The following PURA variants were observed in gnomAD, a reference collection of about 807,000 sequenced individuals.
PURA encodes purine rich element binding protein A.
PURA carries 2 observed loss-of-function variants against 23.1 expected under a neutral mutation model. That is an observed-to-expected ratio of 0.09 (90% confidence interval 0.04 to 0.27). The LOEUF is 0.27. Among genes scored for constraint, PURA ranks in the 10% least tolerant of loss-of-function variants. The pLI, the probability that PURA is intolerant of heterozygous loss-of-function variation, is 1.00. For missense variants in PURA, 187 were observed against 449.7 expected (o/e 0.42, Z 5.28); for synonymous variants, 254 against 205.9 (o/e 1.23, Z -2.00).
At position 140,115,030 on chromosome 5, in the gene PURA, G is replaced by C. The variant is rs181348692; in HGVS notation, c.849G>C (p.Glu283Asp). ...KYSEEMKKIQ[E>D]KQREKRAACE... is the part of the protein sequence containing the mutation. ...CGGAGGAGATGAAGAAGATTCAAGAGAAGCAGAGGGAGAAGCGGGCTGCCT... is the reference window on the plus strand; with the variant it reads ...CGGAGGAGATGAAGAAGATTCAAGACAAGCAGAGGGAGAAGCGGGCTGCCT... Residue 283 changes from glutamate (E) to aspartate (D), a missense_variant, in exon 1 of 1, where the codon GAG becomes GAC. Physicochemically the swap from Glu to Asp is conservative, Grantham distance 45. This residue lies in a region of PURA where 65 missense variants were observed against 158.6 expected (regional missense o/e 0.41). Transcript: ENST00000331327. The surrounding 1 kb of genome is among the most constrained non-coding windows in gnomAD (Gnocchi z 4.1). 7 of 1,614,154 alleles carry C rather than the reference G, an allele frequency of 4.3e-6. No homozygotes were observed. The East Asian group carries it at 1.1e-4, about 26-fold the overall frequency.
rs1763060795 is a variant in PURA, at chr5:140,115,182, C to A, written c.*32C>A. 1 of 1,174,864 alleles carries A rather than the reference C, an allele frequency of 8.5e-7. No individual in the cohort carries two copies. Among genetic ancestry groups the A allele is most frequent in the Non-Finnish European group, 1.2e-6 (1 of 838,982 alleles). 72.8% of individuals were successfully genotyped at this position (1,174,864 alleles called of 1,614,324 possible). A position where few individuals can be genotyped will look rare whatever the true frequency, so the allele number is the denominator to read the frequency against. On this transcript the variant is annotated 3_prime_UTR_variant, in exon 1 of 1. Transcript: ENST00000331327. This position sits in a 1 kb window ranked among gnomAD's most constrained non-coding sequence, Gnocchi z 4.1. ...TGAATGAAACCCCCACACACACACA[C>A]ATGCATACACACACACACACAGCCA... is the stretch of plus-strand genomic sequence containing the variant.
chr5:140,115,165 A>ACC lies in PURA; in HGVS notation c.*19_*20dup, dbSNP rs772449984. On this transcript the variant is annotated 3_prime_UTR_variant, in exon 1 of 1. Coordinates refer to ENST00000331327, the MANE Select transcript of PURA (RefSeq NM_005859.5). This position sits in a 1 kb window ranked among gnomAD's most constrained non-coding sequence, Gnocchi z 4.1. Reference sequence around the variant, plus strand: ...AAGAAGATTGATCAAACTGAATGAAACCCCCACACACACACACATGCATAC... The same window carrying ACC: ...AAGAAGATTGATCAAACTGAATGAAACCCCCCCACACACACACACATGCATAC... The ACC allele has an allele frequency of 1.1e-5, 15 of 1,425,968 alleles. No homozygotes were observed. In the Admixed American group the frequency reaches 1.4e-4, roughly 13 times the overall value. 88.3% of individuals were successfully genotyped at this position (1,425,968 alleles called of 1,614,324 possible).
Position 140,121,490 on chromosome 5 carries a change from C to G in PURA, c.*6340C>G, listed in dbSNP as rs911813883. ...CAGGTAGTTGGTGGTGGTACTTGAC[C>G]TACCTCCTTACCATGTACATCTGGC... On this transcript the variant is annotated 3_prime_UTR_variant, in exon 1 of 1. Coordinates refer to ENST00000331327, the MANE Select transcript of PURA (RefSeq NM_005859.5). 1.2e-5 allele frequency: 2 copies of G among 166,824 alleles called. No individual in the cohort carries two copies. The highest frequency in any genetic ancestry group is 4.8e-5 in the African/African-American group (2 of 41,412). The allele number at this position is 166,824 out of a possible 1,614,324, so 10.3% of individuals were successfully genotyped here.
Position 140,120,274 on chromosome 5 carries a change from TCTC to T in PURA, c.*5127_*5129del, listed in dbSNP as rs757958454. The T allele has an allele frequency of 6.6e-5, 11 of 166,822 alleles. No individual in the cohort carries two copies. The highest frequency in any genetic ancestry group is 1.9e-4 in the African/African-American group (8 of 41,428). The allele number at this position is 166,822 out of a possible 1,614,324, so 10.3% of individuals were successfully genotyped here. ...GTGTATATGTATATAGATACACACA[TCTC>T]CTTGAGAGTGGAATAAGTAGGAGAG... On this transcript the variant is annotated 3_prime_UTR_variant, in exon 1 of 1. Coordinates refer to ENST00000331327, the MANE Select transcript of PURA (RefSeq NM_005859.5).
rs563184410 is a variant in PURA, at chr5:140,119,388, C to T, written c.*4238C>T. ...CTTTTTGAAGCCAAGTGATCAAGTA[C>T]ATTTGTAATAAAAGTCAATGGATCT... On this transcript the variant is annotated 3_prime_UTR_variant, in exon 1 of 1. Transcript: ENST00000331327. The T allele has an allele frequency of 2.4e-5, 4 of 166,848 alleles. No homozygotes were observed. The East Asian group carries it at 7.7e-4, about 32-fold the overall frequency. 10.3% of individuals were successfully genotyped at this position (166,848 alleles called of 1,614,324 possible). A position where few individuals can be genotyped will look rare whatever the true frequency, so the allele number is the denominator to read the frequency against.
chr5:140,121,977 G>C lies in PURA; in HGVS notation c.*6827G>C, dbSNP rs572883306. On this transcript the variant is annotated 3_prime_UTR_variant, in exon 1 of 1. Transcript: ENST00000331327. The stretch of plus-strand genomic sequence containing the variant: ...AGGAAAAGGTACTATGATGGAGTCC[G>C]AATGAGAGTTATTTGCTAAGGAAAT... The C allele has an allele frequency of 1.2e-5, 2 of 166,820 alleles. No homozygotes were observed. The highest frequency in any genetic ancestry group is 2.1e-4 in the South Asian group (1 of 4,812). The allele number at this position is 166,820 out of a possible 1,614,324, so 10.3% of individuals were successfully genotyped here. A position where few individuals can be genotyped will look rare whatever the true frequency, so the allele number is the denominator to read the frequency against.
chr5:140,123,676 A>G lies in PURA; in HGVS notation c.*8526A>G, dbSNP rs1408551581. On this transcript the variant is annotated 3_prime_UTR_variant, in exon 1 of 1. Transcript: ENST00000331327. Reference sequence around the variant, plus strand: ...ATCCTTTGTAAATGTGAGCTTTATTAAACTGTTTAAATAGACAAAGTTAAA... The same window carrying G: ...ATCCTTTGTAAATGTGAGCTTTATTGAACTGTTTAAATAGACAAAGTTAAA... The G allele has an allele frequency of 6.0e-6, 1 of 166,902 alleles. No individual in the cohort carries two copies. Among genetic ancestry groups the G allele is most frequent in the Non-Finnish European group, 1.5e-5 (1 of 68,088 alleles). The allele number at this position is 166,902 out of a possible 1,614,324, so 10.3% of individuals were successfully genotyped here.
rs757506249 is a variant in PURA at position 140,117,847 on chromosome 5, A to C, written c.*2697A>C. 6.0e-6 allele frequency: 1 copy of C among 166,470 alleles called. No homozygotes were observed. Among genetic ancestry groups the C allele is most frequent in the Non-Finnish European group, 1.5e-5 (1 of 68,090 alleles). The allele number at this position is 166,470 out of a possible 1,614,324, so 10.3% of individuals were successfully genotyped here. Reference sequence around the variant, plus strand: ...TCAGTGGGTTTAAAAAGAAATCCACATGCAGATCTTTTAAGACTTAAAAAG... The same window carrying C: ...TCAGTGGGTTTAAAAAGAAATCCACCTGCAGATCTTTTAAGACTTAAAAAG... On this transcript the variant is annotated 3_prime_UTR_variant, in exon 1 of 1. Coordinates refer to ENST00000331327, the MANE Select transcript of PURA (RefSeq NM_005859.5).
At position 140,124,992 on chromosome 5, in the gene PURA, G is replaced by A. The variant is rs1329972304; in HGVS notation, c.*9842G>A. On this transcript the variant is annotated 3_prime_UTR_variant, in exon 1 of 1. Coordinates refer to ENST00000331327, the MANE Select transcript of PURA (RefSeq NM_005859.5). ...CAGCAATTTGTCCCTGGCCTTTTTC[G>A]AGGCCATTTTTAGTTTTCTGCCCCC... 6.0e-6 allele frequency: 1 copy of A among 166,790 alleles called. No homozygotes were observed. The highest frequency in any genetic ancestry group is 1.9e-4 in the East Asian group (1 of 5,198). 10.3% of individuals were successfully genotyped at this position (166,790 alleles called of 1,614,324 possible). A position where few individuals can be genotyped will look rare whatever the true frequency, so the allele number is the denominator to read the frequency against.
At position 140,116,710 on chromosome 5, in the gene PURA, T is replaced by C. The variant is rs942370993; in HGVS notation, c.*1560T>C. ...GTATAGTAAAATATTAATATATTTT[T>C]ATCATTAAACTGCTGCATGACTATC... On this transcript the variant is annotated 3_prime_UTR_variant, in exon 1 of 1. Coordinates refer to ENST00000331327, the MANE Select transcript of PURA (RefSeq NM_005859.5). The C allele has an allele frequency of 1.8e-5, 3 of 166,628 alleles. No individual in the cohort carries two copies. Among genetic ancestry groups the C allele is most frequent in the African/African-American group, 7.3e-5 (3 of 41,378 alleles). 10.3% of individuals were successfully genotyped at this position (166,628 alleles called of 1,614,324 possible).
rs1203312022 is a variant in PURA at position 140,122,851 on chromosome 5, C to T, written c.*7701C>T. Reference sequence around the variant, plus strand: ...CATAATTCAAGTATGTTTGGATTAACTCTTTGTTGTCAAATTTAGTATGGA... The same window carrying T: ...CATAATTCAAGTATGTTTGGATTAATTCTTTGTTGTCAAATTTAGTATGGA... On this transcript the variant is annotated 3_prime_UTR_variant, in exon 1 of 1. Transcript: ENST00000331327. 1 of 166,682 alleles carries T rather than the reference C, an allele frequency of 6.0e-6. No homozygotes were observed. Among genetic ancestry groups the T allele is most frequent in the Non-Finnish European group, 1.5e-5 (1 of 67,972 alleles). The allele number at this position is 166,682 out of a possible 1,614,324, so 10.3% of individuals were successfully genotyped here. A position where few individuals can be genotyped will look rare whatever the true frequency, so the allele number is the denominator to read the frequency against.
rs1763081979 is a variant in PURA at position 140,116,547 on chromosome 5, A to G, written c.*1397A>G. ...AACTCATATATTCAAGGTGTAGGGT[A>G]TGAAAATGCAAAGTTTAGGAGAGCA... On this transcript the variant is annotated 3_prime_UTR_variant, in exon 1 of 1. Coordinates refer to ENST00000331327, the MANE Select transcript of PURA (RefSeq NM_005859.5). The G allele has an allele frequency of 6.0e-6, 1 of 167,000 alleles. No homozygotes were observed. The highest frequency in any genetic ancestry group is 2.1e-4 in the South Asian group (1 of 4,822). 10.3% of individuals were successfully genotyped at this position (167,000 alleles called of 1,614,324 possible). A position where few individuals can be genotyped will look rare whatever the true frequency, so the allele number is the denominator to read the frequency against.
In PURA at chr5:140,114,874, C is replaced by T. The variant is rs750557574; in HGVS notation, c.693C>T (p.Phe231=). 12 of 1,614,166 alleles carry T rather than the reference C, an allele frequency of 7.4e-6. No individual in the cohort carries two copies. The Admixed American group carries it at 1.0e-4, about 13-fold the overall frequency. ...CCTTGACTGTGGACAACAAGCGCTT[C>T]TTCTTCGATGTGGGCTCCAACAAGT... ...GTSLTVDNKR[F]FFDVGSNKYG... Residue 231 remains phenylalanine, a synonymous_variant, in exon 1 of 1, where the codon TTC becomes TTT. Transcript: ENST00000331327.
rs1035029633 is a variant in PURA, at chr5:140,124,601, C to T, written c.*9451C>T. On this transcript the variant is annotated 3_prime_UTR_variant, in exon 1 of 1. Transcript: ENST00000331327. Reference sequence around the variant, plus strand: ...TTTAGGTTTATCTAGTGAAATTGTGCCAGGTAGTTGTCTAAATATGGACCA... The same window carrying T: ...TTTAGGTTTATCTAGTGAAATTGTGTCAGGTAGTTGTCTAAATATGGACCA... 1 of 166,702 alleles carries T rather than the reference C, an allele frequency of 6.0e-6. No individual in the cohort carries two copies. The highest frequency in any genetic ancestry group is 1.5e-5 in the Non-Finnish European group (1 of 68,054). The allele number at this position is 166,702 out of a possible 1,614,324, so 10.3% of individuals were successfully genotyped here. A position where few individuals can be genotyped will look rare whatever the true frequency, so the allele number is the denominator to read the frequency against.
chr5:140,114,150 G>A lies in PURA; in HGVS notation c.-32G>A. On this transcript the variant is annotated 5_prime_UTR_variant, in exon 1 of 1. Transcript: ENST00000331327. The stretch of plus-strand genomic sequence containing the variant: ...ACTGAGGCGGCGGGCGGAGCGGCAG[G>A]CGGCGGCGGCGCGGCAGCGGAGCGC... 1 of 533,006 alleles carries A rather than the reference G, an allele frequency of 1.9e-6. No homozygotes were observed. The highest frequency in any genetic ancestry group is 2.7e-6 in the Non-Finnish European group (1 of 367,380). The allele number at this position is 533,006 out of a possible 1,614,324, so 33.0% of individuals were successfully genotyped here.
chr5:140,114,166 A>G lies in PURA; in HGVS notation c.-16A>G. 3.1e-6 allele frequency: 2 copies of G among 638,176 alleles called. No individual in the cohort carries two copies. The highest frequency in any genetic ancestry group is 7.6e-5 in the South Asian group (1 of 13,240). 39.5% of individuals were successfully genotyped at this position (638,176 alleles called of 1,614,324 possible). ...GAGCGGCAGGCGGCGGCGGCGCGGC[A>G]GCGGAGCGCAGCATCATGGCGGACC... On this transcript the variant is annotated 5_prime_UTR_variant, in exon 1 of 1. Transcript: ENST00000331327.
In PURA at chr5:140,115,081, G is replaced by A. The variant is rs1763058119; in HGVS notation, c.900G>A (p.Gln300=). The A allele has an allele frequency of 3.1e-6, 5 of 1,611,906 alleles. No individual in the cohort carries two copies. The South Asian group carries it at 3.3e-5, about 11-fold the overall frequency. ...GTGAGCAGCTTCACCAGCAGCAACA[G>A]CAGCAGCAGGAGGAGACCGCCGCTG... ...AACEQLHQQQ[Q]QQQEETAAAT... is the part of the protein sequence containing the mutation. Residue 300 remains glutamine, a synonymous_variant, in exon 1 of 1, where the codon CAG becomes CAA. Coordinates refer to ENST00000331327, the MANE Select transcript of PURA (RefSeq NM_005859.5). This position sits in a 1 kb window ranked among gnomAD's most constrained non-coding sequence, Gnocchi z 4.1.
rs1437472261 is a variant in PURA at position 140,116,728 on chromosome 5, T to C, written c.*1578T>C. ...ATATTTTTATCATTAAACTGCTGCA[T>C]GACTATCATCTTTGAGTGAAGAGAA... On this transcript the variant is annotated 3_prime_UTR_variant, in exon 1 of 1. Transcript: ENST00000331327. The C allele has an allele frequency of 4.2e-5, 7 of 165,552 alleles. No individual in the cohort carries two copies. Among genetic ancestry groups the C allele is most frequent in the Non-Finnish European group, 1.0e-4 (7 of 68,016 alleles). The allele number at this position is 165,552 out of a possible 1,614,324, so 10.3% of individuals were successfully genotyped here. A position where few individuals can be genotyped will look rare whatever the true frequency, so the allele number is the denominator to read the frequency against.
chr5:140,115,251 G>C lies in PURA; in HGVS notation c.*101G>C, dbSNP rs987657083. 3.2e-5 allele frequency: 19 copies of C among 601,998 alleles called. No homozygotes were observed. Among genetic ancestry groups the C allele is most frequent in the East Asian group, 7.7e-5 (2 of 25,902 alleles). 37.3% of individuals were successfully genotyped at this position (601,998 alleles called of 1,614,324 possible). A position where few individuals can be genotyped will look rare whatever the true frequency, so the allele number is the denominator to read the frequency against. On this transcript the variant is annotated 3_prime_UTR_variant, in exon 1 of 1. Transcript: ENST00000331327. The surrounding 1 kb of genome is among the most constrained non-coding windows in gnomAD (Gnocchi z 4.1). ...TGTAAAGAAAGAGAGAAAATAAAAA[G>C]TTAAAAAGTTAAAAAAAAAAAAAAA...
Sources: gnomAD v4.1 joint callset for allele counts on GRCh38, gnomAD v4.1.1 for gene constraint, gnomAD v4.1.1 regional missense constraint, Gnocchi (gnomAD v3.1) non-coding constraint, MANE v1.5 for transcripts, NCBI Gene and HGNC (gene_info 2026-07-23, HGNC 2026-07-21) for gene names.